DGKI: variants seen among roughly 807,000 people sequenced by gnomAD.
DGKI encodes the protein DAG kinase iota.
Under a neutral mutation model 147.5 loss-of-function variants are expected in DGKI, and 55 were observed. The ratio of observed to expected loss-of-function variants is 0.37; its 90% CI spans 0.30 to 0.47. The LOEUF (loss-of-function observed/expected upper bound fraction) is 0.47, where lower values mean the gene tolerates loss of function less well. DGKI is among the 20% of genes least tolerant of loss of function. The pLI is 1.00. For synonymous variants in DGKI, 469 were observed against 477.1 expected, an observed-to-expected ratio of 0.98 and a Z score of 0.22; for missense variants, 1,007 against 1,323.8, an observed-to-expected ratio of 0.76 and a Z score of 3.71.
In DGKI at chr7:137,626,981, AC is replaced by A. The variant is rs1257778129; in HGVS notation, c.805-3428del. 3.3e-5 allele frequency among the ~76,000 whole-genome samples: 5 copies of A among 152,250 alleles called. No individual in the cohort carries two copies. The East Asian group carries it at 9.6e-4, about 29-fold the overall frequency. ...ATTCAGGGCCATCCATAATCTTCCC[AC>A]CAATTTTCTGACATCTATCTTCCAC... is the stretch of plus-strand genomic sequence containing the variant. On this transcript the variant is annotated intron_variant, in intron 6 of 32. Transcript: ENST00000614521.
Position 137,791,287 on chromosome 7 carries a change from T to A in DGKI, c.401+55175A>T, listed in dbSNP as rs192357025. Among the ~76,000 whole-genome samples, 9 of 152,364 alleles carry A rather than the reference T, an allele frequency of 5.9e-5. No homozygotes were observed. In the East Asian group the frequency reaches 1.7e-3, roughly 29 times the overall value. On this transcript the variant is annotated intron_variant, in intron 1 of 32. Transcript: ENST00000614521. Reference sequence around the variant, plus strand: ...GAATACTTATTTAATGGGTTTGCATTCTTTTGCAAGTGACCTAAAGGTTGT... The same window carrying A: ...GAATACTTATTTAATGGGTTTGCATACTTTTGCAAGTGACCTAAAGGTTGT...
chr7:137,838,994 A>C (rs1798471197), intron 1 of DGKI, among the ~76,000 whole-genome samples: 1 of 152,174 alleles, frequency 6.6e-6, no homozygotes. Flanking sequence ...ATCACAGGGG[A>C]CAATTCTATT....
chr7:137,779,276 T>G (rs995938877), intron 1 of DGKI, among the ~76,000 whole-genome samples: 2 of 143,470 alleles, frequency 1.4e-5, no homozygotes, highest in Non-Finnish European at 3.0e-5. Context: ...CAGCTAGATG[T>G]TCATATGGAA....
chr7:137,846,134 T>TCTCTCTCTCTCTCTC lies in DGKI; in HGVS notation c.401+327_401+328insGAGAGAGAGAGAGAG, dbSNP rs1798709704. On this transcript the variant is annotated intron_variant, in intron 1 of 32. Coordinates refer to ENST00000614521, the MANE Select transcript of DGKI (RefSeq NM_001321708.2). The surrounding 1 kb of genome is among the most constrained non-coding windows in gnomAD (Gnocchi z 4.0). ...TCTGCAACCCTTTCTCTCTCTCTCT[T>TCTCTCTCTCTCTCTC]TCTCTCTCTCTCTCTCTCTCTCTCT... 1.2e-5 allele frequency among the ~76,000 whole-genome samples: 1 copy of TCTCTCTCTCTCTCTC among 85,330 alleles called. No individual in the cohort carries two copies. Among genetic ancestry groups the TCTCTCTCTCTCTCTC allele is most frequent in the Non-Finnish European group, 2.2e-5 (1 of 45,214 alleles). 56.0% of individuals were successfully genotyped at this position (85,330 alleles called of 152,430 possible).
chr7:137,725,859 C>T (rs1213880310), intron 1 of DGKI, among the ~76,000 whole-genome samples: 1 of 152,146 alleles, frequency 6.6e-6, no homozygotes, highest in African/African-American at 2.4e-5. Flanking sequence ...AATCTACTGA[C>T]TGATTTTTAT....
chr7:137,745,513 C>A (rs2116727482), intron 1 of DGKI, among the ~76,000 whole-genome samples: 1 of 152,334 alleles, frequency 6.6e-6, no homozygotes, highest in African/African-American at 2.4e-5. Context: ...CACTGTCCTG[C>A]TCCATTCTGC....
rs758368254 is a variant in DGKI at position 137,385,277 on chromosome 7, C to G, written c.*5943G>C. On this transcript the variant is annotated 3_prime_UTR_variant, in exon 33 of 33. Transcript: ENST00000614521. ...AATTTTTTAAATGATAACTAACGGC[C>G]ATTCCCCTAGATATTTTTAAAATTC... 6.6e-6 allele frequency: 1 copy of G among 151,990 alleles called. No homozygotes were observed. Among genetic ancestry groups the G allele is most frequent in the Non-Finnish European group, 1.5e-5 (1 of 67,974 alleles). 9.4% of individuals were successfully genotyped at this position (151,990 alleles called of 1,614,324 possible).
intron 29 of DGKI, among the ~76,000 whole-genome samples, chr7:137,408,924 A>G (rs921435921): frequency 2.6e-5 from 4 of 152,222 alleles, no homozygotes; most frequent in Non-Finnish European, 5.9e-5. Flanking sequence ...GGTAATAAGC[A>G]AAAGGAACAC....
At chr7:137,430,588 A>G (rs1035244477) in intron 28 of DGKI, among the ~76,000 whole-genome samples, 23 of 152,150 alleles carry the variant, frequency 1.5e-4, no homozygotes, top group African/African-American at 5.3e-4. Flanking sequence ...TAAAAAAAGA[A>G]AAAGAATATC....
At chr7:137,490,052 AAAGT>A (rs1386044832) in intron 21 of DGKI, among the ~76,000 whole-genome samples, 2 of 152,230 alleles carry the variant, frequency 1.3e-5, no homozygotes, top group Non-Finnish European at 2.9e-5. Context: ...TTCAAGGAGC[AAAGT>A]AAGAGTAACT....
intron 20 of DGKI, among the ~76,000 whole-genome samples, chr7:137,547,930 A>C (rs1817917598): frequency 6.6e-6 from 1 of 152,292 alleles, no homozygotes; most frequent in East Asian, 1.9e-4. Flanking sequence ...CTGCAAGAAG[A>C]GGACCAGAGA....
At chr7:137,401,286 C>T (rs1811748534) in intron 30 of DGKI, among the ~76,000 whole-genome samples, 1 of 151,862 alleles carries the variant, frequency 6.6e-6, no homozygotes, top group Non-Finnish European at 1.5e-5. Context: ...AATCCCAGCA[C>T]TTTGGGACAG....
intron 28 of DGKI, among the ~76,000 whole-genome samples, chr7:137,437,405 A>G (rs1284600318): frequency 6.6e-6 from 1 of 152,210 alleles, no homozygotes; most frequent in Non-Finnish European, 1.5e-5. Flanking sequence ...ACAAATTGTC[A>G]CTAAAAATAT....
intron 3 of DGKI, among the ~76,000 whole-genome samples, chr7:137,675,707 A>T (rs898921988): frequency 1.4e-5 from 2 of 144,852 alleles, no homozygotes; most frequent in African/African-American, 2.7e-5. Context: ...AAAAAAAAAA[A>T]TCGGAGACTC....
intron 1 of DGKI, among the ~76,000 whole-genome samples, chr7:137,832,784 C>A (rs1044043611): frequency 6.6e-6 from 1 of 152,212 alleles, no homozygotes; most frequent in African/African-American, 2.4e-5. Flanking sequence ...ATTTTCTGAA[C>A]TTTTATGCTC....
chr7:137,464,806 TTTA>T (rs1814591924), intron 26 of DGKI, among the ~76,000 whole-genome samples: 2 of 152,328 alleles, frequency 1.3e-5, no homozygotes, highest in South Asian at 4.1e-4. Context: ...TAGTGGACTG[TTTA>T]TTCATACTGT....
At chr7:137,429,738 G>A (rs1812983251) in intron 28 of DGKI, among the ~76,000 whole-genome samples, 1 of 142,856 alleles carries the variant, frequency 7.0e-6, no homozygotes, top group Admixed American at 7.1e-5. Context: ...CAAAAAGTGG[G>A]CGAAGGACAT....
At chr7:137,636,308 G>C (rs1298364307) in intron 6 of DGKI, among the ~76,000 whole-genome samples, 10 of 152,184 alleles carry the variant, frequency 6.6e-5, no homozygotes, top group African/African-American at 2.2e-4. Flanking sequence ...GTTGAGGAGA[G>C]AGATGATGAA....
At chr7:137,482,318 T>C (rs1815399492) in intron 23 of DGKI, among the ~76,000 whole-genome samples, 1 of 151,870 alleles carries the variant, frequency 6.6e-6, no homozygotes, top group Admixed American at 6.6e-5. Context: ...GTTTCCATGA[T>C]TCTTCTTGAC....
Sources: allele counts gnomAD v4.1 joint callset (sites outside exome capture counted in the v4.1 genomes callset), GRCh38; gene constraint gnomAD v4.1.1; non-coding constraint Gnocchi (gnomAD v3.1); transcripts MANE v1.5; gene names NCBI Gene and HGNC (gene_info 2026-07-23, HGNC 2026-07-21).